The following CLASP2 variants were observed in gnomAD, a reference collection of about 807,000 sequenced individuals.
CLASP2 encodes the protein CLIP-associating protein 2.
Under a neutral mutation model 194.4 loss-of-function variants are expected in CLASP2, and 47 were observed. The ratio of observed to expected loss-of-function variants is 0.24; its 90% CI spans 0.19 to 0.31. The LOEUF is 0.31. Among genes scored for constraint, CLASP2 ranks in the 10% least tolerant of loss-of-function variants. CLASP2 has a pLI of 1.00. For missense variants in CLASP2, 1,445 were observed against 1,823.6 expected, an observed-to-expected ratio of 0.79 and a Z score of 3.78; for synonymous variants, 619 against 633.5, an observed-to-expected ratio of 0.98 and a Z score of 0.34.
At chr3:33,536,383 T>C (rs2057342034) in intron 33 of CLASP2, among the ~76,000 whole-genome samples, 1 of 152,138 alleles carries the variant, frequency 6.6e-6, no homozygotes, top group Non-Finnish European at 1.5e-5. Context: ...GAGAAGCCAC[T>C]TGAATAAACA....
intron 11 of CLASP2, among the ~76,000 whole-genome samples, chr3:33,620,636 A>G (rs1030921179): frequency 6.6e-6 from 1 of 152,182 alleles, no homozygotes; most frequent in African/African-American, 2.4e-5. Flanking sequence ...GTCTTCCTTT[A>G]AAGAGCATGA....
At chr3:33,530,227 C>T (rs990147188) in intron 34 of CLASP2, among the ~76,000 whole-genome samples, 1 of 152,064 alleles carries the variant, frequency 6.6e-6, no homozygotes, top group Non-Finnish European at 1.5e-5. Flanking sequence ...GTAATCCCAG[C>T]ATTTTGCAAG....
At chr3:33,651,655 C>CA (rs1559533661) in intron 7 of CLASP2, among the ~76,000 whole-genome samples, 1 of 136,646 alleles carries the variant, frequency 7.3e-6, no homozygotes, top group African/African-American at 2.7e-5. Flanking sequence ...CTTTCCACCT[C>CA]ACTTTTTTTT....
chr3:33,645,114 A>G lies in CLASP2; in HGVS notation c.716-211T>C, dbSNP rs932238382. 7 of 664,374 alleles carry G rather than the reference A, an allele frequency of 1.1e-5. No individual in the cohort carries two copies. In the Admixed American group the frequency reaches 1.5e-4, roughly 14 times the overall value. 41.2% of individuals were successfully genotyped at this position (664,374 alleles called of 1,614,324 possible). On this transcript the variant is annotated intron_variant, in intron 7 of 38. Transcript: ENST00000682230. ...TTCAAAATCAAAATGCAGTATTTTCATACTTCTTACTTATACATATTAAGT... is the reference window on the plus strand; with the variant it reads ...TTCAAAATCAAAATGCAGTATTTTCGTACTTCTTACTTATACATATTAAGT...
rs566765382 is a variant in CLASP2 at position 33,640,393 on chromosome 3, T to C, written c.862+4364A>G. ...AGTGAAGTAAAACAAATAGAAAATA[T>C]CATAAAGATTAGTAAGTACTACTAA... On this transcript the variant is annotated intron_variant, in intron 8 of 38. Coordinates refer to ENST00000682230, the MANE Select transcript of CLASP2 (RefSeq NM_001365631.1). Among the ~76,000 whole-genome samples the C allele has an allele frequency of 3.3e-5, 5 of 152,258 alleles. No homozygotes were observed. In the East Asian group the frequency reaches 9.6e-4, roughly 29 times the overall value.
At chr3:33,651,280 G>A (rs1311483225) in intron 7 of CLASP2, among the ~76,000 whole-genome samples, 1 of 151,626 alleles carries the variant, frequency 6.6e-6, no homozygotes, top group Non-Finnish European at 1.5e-5. Flanking sequence ...CTACTTGAGA[G>A]GCTGAGGCAG....
intron 7 of CLASP2, chr3:33,659,699 G>T (rs2084958322): frequency 6.6e-6 from 1 of 152,276 alleles, no homozygotes; most frequent in Non-Finnish European, 1.5e-5. Context: ...TTCTGGTGGA[G>T]ACAGAACCTA....
chr3:33,515,898 G>C (rs2051184319), intron 36 of CLASP2, 125 bp downstream of exon 36: 1 of 903,088 alleles, frequency 1.1e-6, no homozygotes, highest in Non-Finnish European at 1.6e-6. Flanking sequence ...ATCTCGATCA[G>C]GTATTACCCT....
chr3:33,621,491 A>G (rs1045414983), intron 11 of CLASP2, among the ~76,000 whole-genome samples: 2 of 152,148 alleles, frequency 1.3e-5, no homozygotes, highest in African/African-American at 2.4e-5. Flanking sequence ...CTGCATGGAT[A>G]GTTATATCAT....
rs9877420 is a variant in CLASP2, at chr3:33,580,753, C to T, written c.2347+1068G>A. 5.1e-3 allele frequency among the ~76,000 whole-genome samples: 778 copies of T among 152,110 alleles called. 9 individuals are homozygous for T. Among genetic ancestry groups the T allele is most frequent in the African/African-American group, 0.018 (756 of 41,502 alleles). Reference sequence around the variant, plus strand: ...AAATCTGGCCAGGTGCAGTGGCTCACGCCTGTAAACCCAGCACTTTGGGGG... The same window carrying T: ...AAATCTGGCCAGGTGCAGTGGCTCATGCCTGTAAACCCAGCACTTTGGGGG... On this transcript the variant is annotated intron_variant, in intron 23 of 38. Coordinates refer to ENST00000682230, the MANE Select transcript of CLASP2 (RefSeq NM_001365631.1).
At position 33,684,406 on chromosome 3, in the gene CLASP2, T is replaced by C. The variant is rs1215873080; in HGVS notation, c.597A>G (p.Gly199=). Residue 199 remains glycine, a synonymous_variant, in exon 6 of 39, where the codon GGA becomes GGG. Coordinates refer to ENST00000682230, the MANE Select transcript of CLASP2 (RefSeq NM_001365631.1). ...TATAAAGATCCATCCTCACTTTTTCTCCCACATGTCTATAAATCTCCACTA... is the reference window on the plus strand; with the variant it reads ...TATAAAGATCCATCCTCACTTTTTCCCCCACATGTCTATAAATCTCCACTA... ...LAIVEIYRHV[G]EKVRMDLYKR... 3.1e-6 allele frequency: 5 copies of C among 1,606,188 alleles called. No homozygotes were observed. The highest frequency in any genetic ancestry group is 4.3e-6 in the Non-Finnish European group (5 of 1,175,796).
intron 14 of CLASP2, among the ~76,000 whole-genome samples, chr3:33,607,775 G>C (rs962840455): frequency 2.0e-5 from 3 of 152,040 alleles, no homozygotes; most frequent in Admixed American, 1.3e-4. Flanking sequence ...GAGAAAAAAA[G>C]AATCTTCTGT....
intron 26 of CLASP2, among the ~76,000 whole-genome samples, chr3:33,567,451 A>C (rs1409401309): frequency 6.6e-6 from 1 of 152,196 alleles, no homozygotes; most frequent in African/African-American, 2.4e-5. Context: ...ATAAAATGCC[A>C]ATTCAAAGCA....
intron 21 of CLASP2, 145 bp from the exon 22 acceptor site, chr3:33,585,065 A>C (rs937450142): frequency 6.6e-6 from 4 of 602,240 alleles, no homozygotes; most frequent in Non-Finnish European, 1.1e-5. Flanking sequence ...AGACCGAGGA[A>C]GATTTAAATA....
At chr3:33,712,595 T>A (rs1482203943) in intron 1 of CLASP2, among the ~76,000 whole-genome samples, 1 of 152,106 alleles carries the variant, frequency 6.6e-6, no homozygotes, top group Non-Finnish European at 1.5e-5. Flanking sequence ...GTGGTAAAAC[T>A]CTTCAAGTTC....
At position 33,576,330 on chromosome 3, in the gene CLASP2, T is replaced by C. The variant is rs114754039; in HGVS notation, c.2348-55A>G. ...TGAAGGAGTCATAAATATAACAGTGTCAGGTTGGGAAACTTTAAGACCTTT... is the reference window on the plus strand; with the variant it reads ...TGAAGGAGTCATAAATATAACAGTGCCAGGTTGGGAAACTTTAAGACCTTT... On this transcript the variant is annotated intron_variant, in intron 23 of 38. Coordinates refer to ENST00000682230, the MANE Select transcript of CLASP2 (RefSeq NM_001365631.1). 7.2e-4 allele frequency: 1,033 copies of C among 1,427,226 alleles called. 7 individuals are homozygous for C. In the African/African-American group the frequency reaches 0.013, roughly 18 times the overall value. 88.4% of individuals were successfully genotyped at this position (1,427,226 alleles called of 1,614,324 possible). A position where few individuals can be genotyped will look rare whatever the true frequency, so the allele number is the denominator to read the frequency against.
At chr3:33,550,344 A>C (rs1022567792) in intron 30 of CLASP2, among the ~76,000 whole-genome samples, 2 of 146,316 alleles carry the variant, frequency 1.4e-5, no homozygotes, top group African/African-American at 5.0e-5. Context: ...GCAGTGAGCC[A>C]GTATCATGCC....
chr3:33,534,929 C>G (rs570018957), intron 34 of CLASP2, among the ~76,000 whole-genome samples: 48 of 152,056 alleles, frequency 3.2e-4, no homozygotes, highest in African/African-American at 9.9e-4. Context: ...AATTAATGAC[C>G]AAATAAATTG....
intron 27 of CLASP2, among the ~76,000 whole-genome samples, chr3:33,565,971 T>C (rs2062666674): frequency 6.6e-6 from 1 of 152,166 alleles, no homozygotes; most frequent in Non-Finnish European, 1.5e-5. Context: ...TGCACAGGCG[T>C]CTGTGTCCCT....
Sources: gnomAD v4.1 joint callset for allele counts (sites outside exome capture counted in the v4.1 genomes callset) on GRCh38, gnomAD v4.1.1 for gene constraint, MANE v1.5 for transcripts, NCBI Gene and HGNC (gene_info 2026-07-23, HGNC 2026-07-21) for gene names.